COL26A1: variants seen among roughly 807,000 people sequenced by gnomAD.
COL26A1 encodes the protein collagen type XXVI alpha 1 chain, also known as collagen alpha-1(XXVI) chain.
A neutral mutation model predicts 59.3 loss-of-function variants in COL26A1; 41 were observed. The ratio of observed to expected loss-of-function variants is 0.69; its 90% CI spans 0.54 to 0.90. The LOEUF is 0.90. COL26A1 is among the 40% of genes least tolerant of loss of function. COL26A1 has a pLI of 0.00. For synonymous variants in COL26A1, 266 were observed against 256.0 expected, an observed-to-expected ratio of 1.04 and a Z score of -0.37; for missense variants, 612 against 602.3, an observed-to-expected ratio of 1.02 and a Z score of -0.17.
At chr7:101,430,447 C>A (rs552737340) in intron 2 of COL26A1, among the ~76,000 whole-genome samples, 1 of 151,722 alleles carries the variant, frequency 6.6e-6, no homozygotes. Flanking sequence ...CAGCACTGCA[C>A]CCAGCTAATT....
intron 12 of COL26A1, 56 bp from the exon 13 acceptor site, chr7:101,557,314 A>G (rs17393028): frequency 0.15 from 230,361 of 1,535,652 alleles, 19,054 homozygotes; most frequent in Middle Eastern, 0.19. Context: ...GATCAAATGT[A>G]CCCCCAAGTG....
chr7:101,422,761 G>C (rs1266106604), intron 2 of COL26A1, among the ~76,000 whole-genome samples: 1 of 152,112 alleles, frequency 6.6e-6, no homozygotes, highest in Admixed American at 6.6e-5. Flanking sequence ...TCCTGCGCCA[G>C]CCTGAATAGC....
intron 3 of COL26A1, among the ~76,000 whole-genome samples, chr7:101,489,872 TTCTTTCTTTC>T (rs2130525648): frequency 2.9e-5 from 2 of 68,194 alleles, no homozygotes; most frequent in South Asian, 5.6e-4. Flanking sequence ...CTTTCTTTCT[TTCTTTCTTTC>T]TTTCTTTCTT....
intron 3 of COL26A1, among the ~76,000 whole-genome samples, chr7:101,468,498 T>A (rs1158184901): frequency 6.6e-6 from 1 of 152,080 alleles, no homozygotes; most frequent in East Asian, 1.9e-4. Context: ...AAGGGGCACC[T>A]TGGAGGTCTC....
chr7:101,422,991 A>G (rs7777912), intron 2 of COL26A1, among the ~76,000 whole-genome samples: 110,649 of 152,072 alleles, frequency 0.73, 41,234 homozygotes, highest in African/African-American at 0.9. Context: ...GCAGCCGGGC[A>G]CGGTGGCTCA....
intron 3 of COL26A1, among the ~76,000 whole-genome samples, chr7:101,482,040 C>T (rs1219435215): frequency 6.7e-6 from 1 of 149,404 alleles, no homozygotes; most frequent in Non-Finnish European, 1.5e-5. Context: ...TTTCCTAGAC[C>T]AAGTCTCACT....
intron 2 of COL26A1, among the ~76,000 whole-genome samples, chr7:101,428,679 A>ATG (rs151054113): frequency 2.7e-5 from 4 of 150,338 alleles, no homozygotes; most frequent in Non-Finnish European, 4.4e-5. Context: ...GTGTGTGTGT[A>ATG]TGTGTGTGTG....
At chr7:101,493,034 G>T (rs1224769484) in intron 3 of COL26A1, among the ~76,000 whole-genome samples, 3 of 152,178 alleles carry the variant, frequency 2.0e-5, no homozygotes, top group African/African-American at 7.2e-5. Flanking sequence ...CCCATTGTCA[G>T]ATTTAGTCCT....
chr7:101,470,874 C>T (rs1235617568), intron 3 of COL26A1, among the ~76,000 whole-genome samples: 5 of 152,000 alleles, frequency 3.3e-5, no homozygotes, highest in Non-Finnish European at 7.4e-5. Context: ...GCTTCTCTGG[C>T]CCCCACCCTC....
intron 1 of COL26A1, among the ~76,000 whole-genome samples, chr7:101,411,333 G>A (rs1033859665): frequency 6.6e-6 from 1 of 152,124 alleles, no homozygotes. Context: ...ACCTTTCCTG[G>A]CTGGAGGGTC....
At chr7:101,539,280 G>C (rs536132750) in intron 4 of COL26A1, among the ~76,000 whole-genome samples, 6 of 135,674 alleles carry the variant, frequency 4.4e-5, no homozygotes, top group East Asian at 4.0e-4. Context: ...TTTTCTGTCT[G>C]TGTGTGTGTG....
At chr7:101,475,935 T>C (rs1179753355) in intron 3 of COL26A1, among the ~76,000 whole-genome samples, 1 of 151,012 alleles carries the variant, frequency 6.6e-6, no homozygotes, top group African/African-American at 2.4e-5. Flanking sequence ...TCTCTCTCTC[T>C]TTCTTTCTTC....
At chr7:101,469,064 C>T (rs1398707963) in intron 3 of COL26A1, among the ~76,000 whole-genome samples, 4 of 152,188 alleles carry the variant, frequency 2.6e-5, no homozygotes, top group Non-Finnish European at 4.4e-5. Flanking sequence ...CAGAGCGCAT[C>T]AGCAGACACG....
At chr7:101,378,094 G>C (rs1028925168) in intron 1 of COL26A1, among the ~76,000 whole-genome samples, 1 of 152,110 alleles carries the variant, frequency 6.6e-6, no homozygotes, top group South Asian at 2.1e-4. Context: ...AAAATTTTTT[G>C]GGGGGCTGGG....
chr7:101,469,779 C>A (rs1047532371), intron 3 of COL26A1, among the ~76,000 whole-genome samples: 1 of 151,906 alleles, frequency 6.6e-6, no homozygotes, highest in Non-Finnish European at 1.5e-5. Context: ...CGTGAACCAC[C>A]GCGCCCAGCT....
rs35433251 is a variant in COL26A1, at chr7:101,375,989, G to GAAA, written c.158+12814_158+12816dup. Reference sequence around the variant, plus strand: ...CGAAAGAGTGAGACTCCATCTCAAAGAAAAAAAAAAAAAAAAAGAAAATTA... The same window carrying GAAA: ...CGAAAGAGTGAGACTCCATCTCAAAGAAAAAAAAAAAAAAAAAAAAGAAAATTA... On this transcript the variant is annotated intron_variant, in intron 1 of 12. Transcript: ENST00000313669. Among the ~76,000 whole-genome samples, 384 of 122,758 alleles carry GAAA rather than the reference G, an allele frequency of 3.1e-3. 6 individuals are homozygous for GAAA. The highest frequency in any genetic ancestry group is 0.011 in the African/African-American group (336 of 30,498). The allele number at this position is 122,758 out of a possible 152,430, so 80.5% of individuals were successfully genotyped here.
At chr7:101,437,452 G>A (rs748211270) in intron 2 of COL26A1, among the ~76,000 whole-genome samples, 4 of 151,080 alleles carry the variant, frequency 2.6e-5, no homozygotes, top group Non-Finnish European at 5.9e-5. Flanking sequence ...TGAATCGGGC[G>A]GAGTTCTGAA....
chr7:101,428,429 A>G (rs1254886545), intron 2 of COL26A1, among the ~76,000 whole-genome samples: 2 of 152,076 alleles, frequency 1.3e-5, no homozygotes, highest in Admixed American at 1.3e-4. Context: ...GTATGCATGC[A>G]TCGTAAATGA....
At chr7:101,433,918 G>C (rs1279831590) in intron 2 of COL26A1, among the ~76,000 whole-genome samples, 1 of 152,104 alleles carries the variant, frequency 6.6e-6, no homozygotes, top group Non-Finnish European at 1.5e-5. Flanking sequence ...CCAGCACATT[G>C]AGGTGCTCAA....
Sources: allele counts gnomAD v4.1 joint callset (sites outside exome capture counted in the v4.1 genomes callset), GRCh38; gene constraint gnomAD v4.1.1; transcripts MANE v1.5; gene names NCBI Gene and HGNC (gene_info 2026-07-23, HGNC 2026-07-21).